The following PRAM1 variants were observed in gnomAD, a reference collection of about 807,000 sequenced individuals.
PRAM1 encodes the protein PML-RARA-regulated adapter molecule 1.
PRAM1 carries 41 observed loss-of-function variants against 55.3 expected under a neutral mutation model. The observed-to-expected ratio is 0.74, with a 90% CI of 0.58 to 0.96. The LOEUF (loss-of-function observed/expected upper bound fraction) is 0.96. Among genes scored for constraint, PRAM1 ranks in the 40% least tolerant of loss-of-function variants. The pLI is 0.00. For synonymous variants in PRAM1, 401 were observed against 387.1 expected (o/e 1.04, Z -0.42); for missense variants, 898 against 892.7 (o/e 1.01, Z -0.08).
At chr19:8,492,234 C>T (rs1224514490) in intron 4 of PRAM1, among the ~76,000 whole-genome samples, 6 of 82,650 alleles carry the variant, frequency 7.3e-5, no homozygotes, top group Admixed American at 1.6e-4. Flanking sequence ...CGTGCCTAGC[C>T]GTTTTTTTTT....
chr19:8,495,957 G>A, intron 4 of PRAM1: 1 of 416,328 alleles, frequency 2.4e-6, no homozygotes, highest in African/African-American at 2.0e-5. Flanking sequence ...AGCTGGGCAG[G>A]AGGTGCGGGC....
intron 4 of PRAM1, among the ~76,000 whole-genome samples, chr19:8,492,964 T>C (rs1971650064): frequency 6.6e-6 from 1 of 152,104 alleles, no homozygotes; most frequent in African/African-American, 2.4e-5. Flanking sequence ...GCCGCTGCAC[T>C]CCAGCCTGGG....
At chr19:8,498,161 C>T (rs1479836583) in intron 3 of PRAM1, 62 bp downstream of exon 3, 5 of 1,543,882 alleles carry the variant, frequency 3.2e-6, no homozygotes, top group East Asian at 2.3e-5. Context: ...AGCTCCAGGC[C>T]GAGATGAGGC....
intron 5 of PRAM1, 21 bp downstream of exon 5, chr19:8,491,079 C>T (rs1321424148): frequency 1.2e-6 from 2 of 1,612,240 alleles, no homozygotes; most frequent in Middle Eastern, 1.7e-4. Flanking sequence ...CCCGTCTGCC[C>T]ACCCCCTCTG....
At chr19:8,491,280 C>T in intron 4 of PRAM1, 123 bp from the exon 5 acceptor site, 1 of 1,048,516 alleles carries the variant, frequency 9.5e-7, no homozygotes, top group Non-Finnish European at 1.4e-6. Flanking sequence ...GTCACCCAGG[C>T]TGGAGTGCAA....
In PRAM1 at chr19:8,490,845, T is replaced by A; in HGVS notation, c.1743+42A>T. On this transcript the variant is annotated intron_variant, in intron 6 of 9. Coordinates refer to ENST00000423345, the MANE Select transcript of PRAM1 (RefSeq NM_032152.5). This position sits in a 1 kb window ranked among gnomAD's most constrained non-coding sequence, Gnocchi z 7.3. ...GAGCCTGGGATCGGTGGGACCCTGG[T>A]CTCCGCCCTGCCAGGACTCCTGCTT... 2 of 1,610,060 alleles carry A rather than the reference T, an allele frequency of 1.2e-6. No homozygotes were observed. Among genetic ancestry groups the A allele is most frequent in the Non-Finnish European group, 1.7e-6 (2 of 1,179,326 alleles).
Position 8,490,364 on chromosome 19 carries a change from T to A in PRAM1, c.1949A>T (p.Glu650Val). 6.2e-7 allele frequency: 1 copy of A among 1,613,744 alleles called. No individual in the cohort carries two copies. The highest frequency in any genetic ancestry group is 1.3e-5 in the African/African-American group (1 of 75,004). The change falls in exon 9 of 10, where the codon GAG (glutamate) becomes GTG (valine). Residue 650 changes from glutamate to valine, a missense_variant. Transcript: ENST00000423345. The surrounding 1 kb of genome is among the most constrained non-coding windows in gnomAD (Gnocchi z 7.3). ...PRTALLPLET[E>V]VYDDVDFCDP... is the part of the protein sequence containing the mutation. ...GCAGAAGTCGACATCATCGTACACC[T>A]CCGTCTCCCTGGCAGAGCACAGTTG...
chr19:8,502,118 G>A (rs754106348), intron 1 of PRAM1, among the ~76,000 whole-genome samples: 7 of 152,184 alleles, frequency 4.6e-5, no homozygotes, highest in African/African-American at 9.7e-5. Flanking sequence ...TCAAAGCCCC[G>A]AGTGGTTTGA....
intron 4 of PRAM1, 81 bp downstream of exon 4, chr19:8,497,679 GTTAC>G: frequency 1.7e-6 from 2 of 1,163,220 alleles, no homozygotes; most frequent in Non-Finnish European, 2.5e-6. Context: ...GTCCTAAAAT[GTTAC>G]TTGCTCTTAC....
chr19:8,491,378 T>C (rs1971627452), intron 4 of PRAM1: 2 of 601,216 alleles, frequency 3.3e-6, no homozygotes, highest in African/African-American at 1.9e-5. Flanking sequence ...GGATTACAGG[T>C]GTCCATCACC....
rs781213839 is a variant in PRAM1, at chr19:8,499,300, G to C, written c.508C>G (p.Pro170Ala). ...PGAPARKPLQ[P>A]DELSHPARPP... ...CTGGCGGGGTGACTGAGTTCGTCGG[G>C]CTGCAGGGGTTTCCGGGCCGGCGCA... Residue 170 changes from proline to alanine, a missense_variant, in exon 2 of 10, where the codon CCC becomes GCC. Coordinates refer to ENST00000423345, the MANE Select transcript of PRAM1 (RefSeq NM_032152.5). 6.2e-7 allele frequency: 1 copy of C among 1,609,816 alleles called. No individual in the cohort carries two copies. The highest frequency in any genetic ancestry group is 1.3e-5 in the African/African-American group (1 of 74,594).
In PRAM1 at chr19:8,499,721, G is replaced by A. The variant is rs1484923662; in HGVS notation, c.87C>T (p.Pro29=). The part of the protein sequence containing the change: ...KAKFQASQPE[P]SDLPKKPPKP... The stretch of plus-strand genomic sequence containing the variant: ...TCGGAGGTTTTTTGGGCAGGTCGCT[G>A]GGCTCCGGCTGAGAGGCCTGGAACT... Residue 29 remains proline, a synonymous_variant, in exon 2 of 10, where the codon CCC becomes CCT. Transcript: ENST00000423345. 6 of 1,613,714 alleles carry A rather than the reference G, an allele frequency of 3.7e-6. No individual in the cohort carries two copies. Among genetic ancestry groups the A allele is most frequent in the South Asian group, 1.1e-5 (1 of 91,080 alleles).
chr19:8,491,350 C>G (rs1021997838), intron 4 of PRAM1, 193 bp from the exon 5 acceptor site: 12 of 631,194 alleles, frequency 1.9e-5, no homozygotes, highest in African/African-American at 1.6e-4. Context: ...TCTCCTACCT[C>G]AGGCTCCCGA....
chr19:8,502,521 C>G (rs1221262171), intron 1 of PRAM1, 44 bp downstream of exon 1: 1 of 1,462,344 alleles, frequency 6.8e-7, no homozygotes. Flanking sequence ...ATCTGTGTCC[C>G]TTGCTTCCCA....
chr19:8,493,240 C>G lies in PRAM1; in HGVS notation c.1577-2083G>C, dbSNP rs1030949762. Among the ~76,000 whole-genome samples the G allele has an allele frequency of 6.6e-6, 1 of 152,134 alleles. No individual in the cohort carries two copies. The highest frequency in any genetic ancestry group is 2.4e-5 in the African/African-American group (1 of 41,432). ...ACCCAGAGCCCCAGCATGTCCTTTC[C>G]GAATGGCTCAAAGTATCCCGCCGGA... On this transcript the variant is annotated intron_variant, in intron 4 of 9. Coordinates refer to ENST00000423345, the MANE Select transcript of PRAM1 (RefSeq NM_032152.5). The surrounding 1 kb of genome is among the most constrained non-coding windows in gnomAD (Gnocchi z 4.1).
chr19:8,502,464 G>GCGCC, intron 1 of PRAM1, 101 bp downstream of exon 1: 1 of 216,460 alleles, frequency 4.6e-6, no homozygotes, highest in Non-Finnish European at 8.4e-6. Context: ...GCCACCCCCC[G>GCGCC]CCCCCCCGCC....
chr19:8,495,958 A>C (rs1340334471), intron 4 of PRAM1: 6 of 416,782 alleles, frequency 1.4e-5, no homozygotes, highest in Non-Finnish European at 2.9e-5. Context: ...GCTGGGCAGG[A>C]GGTGCGGGCC....
At chr19:8,502,433 G>T in intron 1 of PRAM1, 132 bp downstream of exon 1, 1 of 1,146,006 alleles carries the variant, frequency 8.7e-7, no homozygotes, top group Non-Finnish European at 1.2e-6. Flanking sequence ...GACCCTTCCC[G>T]TTTCCCAGAT....
At position 8,493,260 on chromosome 19, in the gene PRAM1, G is replaced by A. The variant is rs150002296; in HGVS notation, c.1577-2103C>T. On this transcript the variant is annotated intron_variant, in intron 4 of 9. Transcript: ENST00000423345. This position sits in a 1 kb window ranked among gnomAD's most constrained non-coding sequence, Gnocchi z 4.1. ...CTTTCCGAATGGCTCAAAGTATCCC[G>A]CCGGACATTTCAGGCCTGTAGTCCC... Among the ~76,000 whole-genome samples, 892 of 152,214 alleles carry A rather than the reference G, an allele frequency of 5.9e-3. 12 individuals are homozygous for A. Among genetic ancestry groups the A allele is most frequent in the African/African-American group, 0.02 (834 of 41,534 alleles).
Sources: gnomAD v4.1 joint callset for allele counts (sites outside exome capture counted in the v4.1 genomes callset) on GRCh38, gnomAD v4.1.1 for gene constraint, Gnocchi (gnomAD v3.1) non-coding constraint, MANE v1.5 for transcripts, NCBI Gene and HGNC (gene_info 2026-07-23, HGNC 2026-07-21) for gene names.